Variants in ZC3H12C observed in about 807,000 individuals in gnomAD.
ZC3H12C encodes probable ribonuclease ZC3H12C.
In ZC3H12C, 20 loss-of-function variants were observed where a neutral mutation model predicts 76.3. The observed-to-expected ratio is 0.26, with a 90% CI of 0.18 to 0.38. The LOEUF is 0.38. Ranked by LOEUF, ZC3H12C falls within the 10% of genes least tolerant of loss-of-function variation. ZC3H12C has a pLI of 1.00. For synonymous variants in ZC3H12C, 352 were observed against 399.6 expected (o/e 0.88, Z 1.42); for missense variants, 874 against 1,086.5 (o/e 0.80, Z 2.75).
chr11:110,129,091 A>AT, intron 1 of ZC3H12C, among the ~76,000 whole-genome samples: 1 of 152,256 alleles, frequency 6.6e-6, no homozygotes, highest in East Asian at 1.9e-4. Flanking sequence ...TAATATTGCT[A>AT]TAACCCTTAG....
At chr11:110,128,855 A>T (rs1476237814) in intron 1 of ZC3H12C, among the ~76,000 whole-genome samples, 1 of 147,588 alleles carries the variant, frequency 6.8e-6, no homozygotes, top group Non-Finnish European at 1.5e-5. Flanking sequence ...TTTTTTATTC[A>T]TGAGATTTCA....
chr11:110,137,530 C>A, intron 2 of ZC3H12C, 116 bp downstream of exon 2: 1 of 1,221,706 alleles, frequency 8.2e-7, no homozygotes, highest in Non-Finnish European at 1.1e-6. Context: ...TTTCTGTATC[C>A]TGATGTTAAC....
chr11:110,103,040 G>A (rs10891055), intron 1 of ZC3H12C, among the ~76,000 whole-genome samples: 33,012 of 152,120 alleles, frequency 0.22, 3,777 homozygotes, highest in Middle Eastern at 0.33. Context: ...TTGCCCTATT[G>A]TGATATTCAC....
At chr11:110,096,253 A>C (rs1013064854) in intron 1 of ZC3H12C, among the ~76,000 whole-genome samples, 1 of 152,228 alleles carries the variant, frequency 6.6e-6, no homozygotes, top group African/African-American at 2.4e-5. Context: ...AGATTTGTTT[A>C]AAATTTTTGT....
At chr11:110,155,321 A>G (rs1862356719) in intron 3 of ZC3H12C, among the ~76,000 whole-genome samples, 1 of 152,080 alleles carries the variant, frequency 6.6e-6, no homozygotes, top group South Asian at 2.1e-4. Flanking sequence ...AAATAGCGGA[A>G]AGTAAAAAAC....
chr11:110,154,821 CA>C (rs1317862812), intron 3 of ZC3H12C, among the ~76,000 whole-genome samples: 12 of 105,262 alleles, frequency 1.1e-4, no homozygotes, highest in African/African-American at 4.2e-4. Flanking sequence ...ACAAAGAGCT[CA>C]TACAGCTTGA....
intron 1 of ZC3H12C, among the ~76,000 whole-genome samples, chr11:110,109,902 A>G (rs889166981): frequency 5.3e-5 from 8 of 152,158 alleles, no homozygotes; most frequent in Non-Finnish European, 8.8e-5. Context: ...ATCTGCCTCT[A>G]ACTTCTCATT....
intron 1 of ZC3H12C, among the ~76,000 whole-genome samples, chr11:110,130,010 T>C (rs1861831319): frequency 6.6e-6 from 1 of 152,206 alleles, no homozygotes; most frequent in South Asian, 2.1e-4. Flanking sequence ...GTATTTATAA[T>C]GTTAACTTGT....
intron 2 of ZC3H12C, among the ~76,000 whole-genome samples, chr11:110,149,330 AGT>A (rs1211646039): frequency 1.3e-5 from 2 of 152,194 alleles, no homozygotes; most frequent in African/African-American, 4.8e-5. Context: ...CTTGCCCCCA[AGT>A]GCCATCTAAG....
chr11:110,096,119 T>C (rs1264290902), intron 1 of ZC3H12C, among the ~76,000 whole-genome samples: 1 of 152,150 alleles, frequency 6.6e-6, no homozygotes, highest in African/African-American at 2.4e-5. Context: ...ACAAAACACA[T>C]GTTATAATCT....
At chr11:110,117,017 A>G (rs1253262168) in intron 1 of ZC3H12C, among the ~76,000 whole-genome samples, 2 of 152,242 alleles carry the variant, frequency 1.3e-5, no homozygotes, top group Non-Finnish European at 2.9e-5. Flanking sequence ...AGTAAGCCAG[A>G]TCTCTGGAAA....
intron 1 of ZC3H12C, among the ~76,000 whole-genome samples, chr11:110,102,665 G>T (rs569281418): frequency 2.6e-5 from 4 of 152,334 alleles, no homozygotes; most frequent in African/African-American, 9.6e-5. Context: ...AAGAAGTTCT[G>T]TGGGTAAAAT....
At chr11:110,120,630 G>A (rs1282846574) in intron 1 of ZC3H12C, among the ~76,000 whole-genome samples, 1 of 152,172 alleles carries the variant, frequency 6.6e-6, no homozygotes, top group African/African-American at 2.4e-5. Context: ...ACACTTGTCT[G>A]TGGAATGACC....
In ZC3H12C at chr11:110,137,798, A is replaced by G. The variant is rs111415445; in HGVS notation, c.773+384A>G. On this transcript the variant is annotated intron_variant, in intron 2 of 5. Transcript: ENST00000278590. ...GTCTATTTCTTTAGGAAGTTAAATA[A>G]CCCTAATTCTTCTAGAAAATAAACT... 5.9e-3 allele frequency among the ~76,000 whole-genome samples: 906 copies of G among 152,330 alleles called. 3 individuals carry two copies. Among genetic ancestry groups the G allele is most frequent in the Middle Eastern group, 0.027 (8 of 294 alleles).
rs1233490530 is a variant in ZC3H12C at position 110,163,256 on chromosome 11, T to A, written c.1149-17T>A. On this transcript the variant is annotated splice_polypyrimidine_tract_variant and intron_variant, in intron 4 of 5. Coordinates refer to ENST00000278590, the MANE Select transcript of ZC3H12C (RefSeq NM_033390.2). ...GCCTCCTACTTAGGTATCATTTTTTTATTATCTCCATGACAGGTTCATGCC... is the reference window on the plus strand; with the variant it reads ...GCCTCCTACTTAGGTATCATTTTTTAATTATCTCCATGACAGGTTCATGCC... The A allele has an allele frequency of 3.1e-6, 5 of 1,590,632 alleles. No homozygotes were observed. In the African/African-American group the frequency reaches 5.4e-5, roughly 17 times the overall value.
chr11:110,130,086 T>TTC (rs1861832853), intron 1 of ZC3H12C, among the ~76,000 whole-genome samples: 6 of 152,324 alleles, frequency 3.9e-5, no homozygotes, highest in Middle Eastern at 3.4e-3. Flanking sequence ...TTTAAACAGT[T>TTC]ATGTTGTATA....
At chr11:110,129,534 T>C (rs755305366) in intron 1 of ZC3H12C, among the ~76,000 whole-genome samples, 6 of 152,214 alleles carry the variant, frequency 3.9e-5, no homozygotes, top group Non-Finnish European at 7.4e-5. Context: ...TGTATTTGTG[T>C]ATAAAAGGAG....
chr11:110,109,892 A>G (rs1050537781), intron 1 of ZC3H12C, among the ~76,000 whole-genome samples: 3 of 152,036 alleles, frequency 2.0e-5, no homozygotes, highest in African/African-American at 7.2e-5. Flanking sequence ...TTGGCTTTCT[A>G]TCTGCCTCTA....
intron 1 of ZC3H12C, among the ~76,000 whole-genome samples, chr11:110,107,523 CT>C (rs542002464): frequency 6.7e-5 from 10 of 150,268 alleles, no homozygotes; most frequent in African/African-American, 2.0e-4. Context: ...CTAATTTTTC[CT>C]TTTTTTTTGT....
Sources: allele counts gnomAD v4.1 joint callset (sites outside exome capture counted in the v4.1 genomes callset), GRCh38; gene constraint gnomAD v4.1.1; transcripts MANE v1.5; gene names NCBI Gene and HGNC (gene_info 2026-07-23, HGNC 2026-07-21).